The following PLCD3 variants were observed in gnomAD, a reference collection of about 807,000 sequenced individuals.
PLCD3 encodes the protein phospholipase C delta 3.
A neutral mutation model predicts 82.8 loss-of-function variants in PLCD3; 62 were observed. The ratio of observed to expected loss-of-function variants is 0.75; its 90% CI spans 0.61 to 0.93. PLCD3 has a LOEUF of 0.93. PLCD3 is among the 40% of genes least tolerant of loss of function. PLCD3 has a pLI of 0.00. For synonymous variants in PLCD3, 478 were observed against 471.8 expected (o/e 1.01, Z -0.17); for missense variants, 1,023 against 1,103.4 (o/e 0.93, Z 1.03).
At chr17:45,121,408 ACCTGCCCAGAGGCTCC>A in intron 1 of PLCD3, 36 bp from the exon 2 acceptor site, 2 of 1,466,952 alleles carry the variant, frequency 1.4e-6, no homozygotes, top group South Asian at 1.4e-5. Flanking sequence ...GTCAGGCCGT[ACCTGCCCAGAGGCTCC>A]CCTGCCCTCC....
intron 4 of PLCD3, 109 bp from the exon 5 acceptor site, chr17:45,119,152 C>T (rs1425700823): frequency 1.2e-6 from 1 of 810,382 alleles, no homozygotes; most frequent in East Asian, 2.7e-5. Flanking sequence ...CCCCATTTCA[C>T]AGGTGGAAAA....
rs558819916 is a variant in PLCD3 at position 45,113,422 on chromosome 17, C to A, written c.1995+17G>T. On this transcript the variant is annotated intron_variant, in intron 12 of 14. Transcript: ENST00000619929. ...ACCAGTCTGACCCCACACTGGGGCC[C>A]GTTCCAGCCTGCTGACCTGGATGCT... The A allele has an allele frequency of 3.2e-6, 5 of 1,582,216 alleles. No individual in the cohort carries two copies. The African/African-American group carries it at 4.0e-5, about 13-fold the overall frequency.
Position 45,120,364 on chromosome 17 carries a change from G to T in PLCD3, c.645C>A (p.Asn215Lys). The change falls in exon 4 of 15, where the codon AAC becomes AAA. Residue 215 changes from asparagine to lysine, a missense_variant. Asn to Lys is a moderately conservative substitution (Grantham distance 94, BLOSUM62 0). Transcript: ENST00000619929. The part of the protein sequence containing the change: ...KEIKSLLRMV[N>K]VDMNDMYAYL... The stretch of plus-strand genomic sequence containing the variant: ...AGGCGTACATGTCGTTCATGTCCAC[G>T]TTGACCATTCTCAGCAGGCTCTTGA... The T allele has an allele frequency of 6.2e-7, 1 of 1,614,008 alleles. No individual in the cohort carries two copies. The highest frequency in any genetic ancestry group is 8.5e-7 in the Non-Finnish European group (1 of 1,179,878).
chr17:45,115,058 C>T (rs1197838342), intron 10 of PLCD3, 36 bp downstream of exon 10: 3 of 1,568,482 alleles, frequency 1.9e-6, no homozygotes, highest in Non-Finnish European at 2.6e-6. Context: ...GTCTCTCACC[C>T]TCTCGCCCCC....
Position 45,132,140 on chromosome 17 carries a change from C to A in PLCD3, c.163+108G>T. 8.7e-7 allele frequency: 1 copy of A among 1,154,080 alleles called. No homozygotes were observed. Among genetic ancestry groups the A allele is most frequent in the South Asian group, 4.4e-5 (1 of 22,632 alleles). 71.5% of individuals were successfully genotyped at this position (1,154,080 alleles called of 1,614,324 possible). A position where few individuals can be genotyped will look rare whatever the true frequency, so the allele number is the denominator to read the frequency against. ...GCCCTCCGCCCCTAGCCATAGCCTC[C>A]CAGCCCCGTGCAGCCTGGGGAATCC... On this transcript the variant is annotated intron_variant, in intron 1 of 14. Transcript: ENST00000619929. The surrounding 1 kb of genome is among the most constrained non-coding windows in gnomAD (Gnocchi z 4.6).
At chr17:45,128,887 G>A (rs920845952) in intron 1 of PLCD3, among the ~76,000 whole-genome samples, 1 of 152,238 alleles carries the variant, frequency 6.6e-6, no homozygotes, top group African/African-American at 2.4e-5. Context: ...GCCCCCATGG[G>A]AGAGGAGCGG....
intron 1 of PLCD3, among the ~76,000 whole-genome samples, chr17:45,121,947 A>G (rs556251349): frequency 7.1e-6 from 1 of 140,712 alleles, no homozygotes; most frequent in Non-Finnish European, 1.5e-5. Flanking sequence ...ACAGAGTGAG[A>G]CTGCGTCTTA....
At chr17:45,114,443 G>A in intron 10 of PLCD3, 77 bp from the exon 11 acceptor site, 2 of 1,197,932 alleles carry the variant, frequency 1.7e-6, no homozygotes, top group Non-Finnish European at 2.3e-6. Context: ...AACCTCCAGG[G>A]AACAGAGCCC....
chr17:45,109,943 T>G lies in PLCD3; in HGVS notation c.*2673A>C, dbSNP rs2054228655. 1 of 151,668 alleles carries G rather than the reference T, an allele frequency of 6.6e-6. No homozygotes were observed. The highest frequency in any genetic ancestry group is 2.4e-5 in the African/African-American group (1 of 41,134). 9.4% of individuals were successfully genotyped at this position (151,668 alleles called of 1,614,324 possible). On this transcript the variant is annotated 3_prime_UTR_variant, in exon 15 of 15. Coordinates refer to ENST00000619929, the MANE Select transcript of PLCD3 (RefSeq NM_133373.5). Reference sequence around the variant, plus strand: ...ACACAAAAAAATTAGCCGGGCATGGTGGTGGGCGCCTGTAGTCCCAGCTAC... The same window carrying G: ...ACACAAAAAAATTAGCCGGGCATGGGGGTGGGCGCCTGTAGTCCCAGCTAC...
In PLCD3 at chr17:45,118,317, C is replaced by T. The variant is rs371687407; in HGVS notation, c.1089G>A (p.Gly363=). 51 of 1,613,808 alleles carry T rather than the reference C, an allele frequency of 3.2e-5. No homozygotes were observed. The highest frequency in any genetic ancestry group is 5.3e-5 in the African/African-American group (4 of 74,900). The change falls in exon 6 of 15, where the codon GGG becomes GGA. Residue 363 remains glycine, a synonymous_variant. Transcript: ENST00000619929. The surrounding 1 kb of genome is among the most constrained non-coding windows in gnomAD (Gnocchi z 4.1). ...NTYLTDSQIG[G]PSSTEAYVRA... ...TAACATAGGCCTCGGTGCTGCTGGG[C>T]CCCCCGATCTGGGAGTCAGTCAGAT...
chr17:45,124,256 G>A (rs1418713658), intron 1 of PLCD3, among the ~76,000 whole-genome samples: 1 of 152,240 alleles, frequency 6.6e-6, no homozygotes, highest in Non-Finnish European at 1.5e-5. Flanking sequence ...TCTGCAAACA[G>A]GCCATCAACA....
At position 45,118,413 on chromosome 17, in the gene PLCD3, G is replaced by T; in HGVS notation, c.993C>A (p.Thr331=). The change falls in exon 6 of 15, where the codon ACC becomes ACA. Residue 331 remains threonine (T), a synonymous_variant. Transcript: ENST00000619929. The surrounding 1 kb of genome is among the most constrained non-coding windows in gnomAD (Gnocchi z 4.1). ...TCATGTCCTGGAACACACACGTGTG[G>T]GTGTTGTCCAAGGCAGCCCCCTCCG... The part of the protein sequence containing the change: ...LSPEGAALDN[T]HTCVFQDMNQ... The T allele has an allele frequency of 6.2e-7, 1 of 1,613,972 alleles. No individual in the cohort carries two copies. Among genetic ancestry groups the T allele is most frequent in the Non-Finnish European group, 8.5e-7 (1 of 1,179,852 alleles).
intron 1 of PLCD3, among the ~76,000 whole-genome samples, chr17:45,123,964 C>CCTCT (rs1555610232): frequency 6.9e-6 from 1 of 145,136 alleles, no homozygotes; most frequent in Non-Finnish European, 1.5e-5. Flanking sequence ...AGACCCCCCC[C>CCTCT]CCAACCAGGT....
At chr17:45,112,813 T>A in intron 14 of PLCD3, 50 bp downstream of exon 14, 1 of 1,605,934 alleles carries the variant, frequency 6.2e-7, no homozygotes, top group Non-Finnish European at 8.5e-7. Flanking sequence ...GAACAGGGTC[T>A]GCAGGACCTG....
In PLCD3 at chr17:45,118,804, AC is replaced by A. The variant is rs71363516; in HGVS notation, c.913+10del. ...TCAGGTGCCACGACCTGGCCGTGCC[AC>A]CCCCCCCACCTGTCTCGTTGAGCTC... On this transcript the variant is annotated intron_variant, in intron 5 of 14. Transcript: ENST00000619929. The surrounding 1 kb of genome is among the most constrained non-coding windows in gnomAD (Gnocchi z 4.1). 1.1e-4 allele frequency: 173 copies of A among 1,584,394 alleles called. No homozygotes were observed. Among genetic ancestry groups the A allele is most frequent in the East Asian group, 3.2e-4 (14 of 44,202 alleles).
chr17:45,116,789 G>C lies in PLCD3; in HGVS notation c.1261-5C>G, dbSNP rs370954786. 2.5e-6 allele frequency: 4 copies of C among 1,584,212 alleles called. No individual in the cohort carries two copies. The Admixed American group carries it at 5.2e-5, about 21-fold the overall frequency. ...GATGACAGGGTAAGGGGACAGCTGTGGGGGGAAGGGCAGCAGCTCAGAGCC... is the reference window on the plus strand; with the variant it reads ...GATGACAGGGTAAGGGGACAGCTGTCGGGGGAAGGGCAGCAGCTCAGAGCC... On this transcript the variant is annotated splice_polypyrimidine_tract_variant and splice_region_variant and intron_variant, in intron 7 of 14. Coordinates refer to ENST00000619929, the MANE Select transcript of PLCD3 (RefSeq NM_133373.5).
In PLCD3 at chr17:45,118,173, T is replaced by A; in HGVS notation, c.1116-35A>T. 6.2e-7 allele frequency: 1 copy of A among 1,613,584 alleles called. No individual in the cohort carries two copies. The highest frequency in any genetic ancestry group is 8.5e-7 in the Non-Finnish European group (1 of 1,179,648). ...GACAGATGGGTGGACGGGCAAGGTG[T>A]TGCCAGAGTGCCACAGAGCAGGGCA... is the stretch of plus-strand genomic sequence containing the variant. On this transcript the variant is annotated intron_variant, in intron 6 of 14. Transcript: ENST00000619929. This position sits in a 1 kb window ranked among gnomAD's most constrained non-coding sequence, Gnocchi z 4.1.
At chr17:45,115,806 C>G (rs1254078559) in intron 8 of PLCD3, among the ~76,000 whole-genome samples, 1 of 152,214 alleles carries the variant, frequency 6.6e-6, no homozygotes, top group African/African-American at 2.4e-5. Flanking sequence ...GAGGCTACAA[C>G]CTGGAATCAC....
chr17:45,114,263 C>A lies in PLCD3; in HGVS notation c.1815G>T (p.Ser605=). The change falls in exon 11 of 15, where the codon TCG becomes TCT. Residue 605 remains serine (S), a synonymous_variant. Transcript: ENST00000619929. ...GCCCCCACTTACCCAGCTGACAGCCCGAGTTCCACATCTCCTGGGGACTGT... is the reference window on the plus strand; with the variant it reads ...GCCCCCACTTACCCAGCTGACAGCCAGAGTTCCACATCTCCTGGGGACTGT... ...ANYSPQEMWN[S]GCQLVALNFQ... is the part of the protein sequence containing the mutation. 1.3e-6 allele frequency: 2 copies of A among 1,537,940 alleles called. No homozygotes were observed. The highest frequency in any genetic ancestry group is 2.4e-5 in the South Asian group (2 of 82,582).
Sources: allele counts gnomAD v4.1 joint callset (sites outside exome capture counted in the v4.1 genomes callset), GRCh38; gene constraint gnomAD v4.1.1; non-coding constraint Gnocchi (gnomAD v3.1); transcripts MANE v1.5; gene names NCBI Gene and HGNC (gene_info 2026-07-23, HGNC 2026-07-21).